The following CHODL variants were observed in gnomAD, a reference collection of about 807,000 sequenced individuals.
CHODL encodes chondrolectin, also known as transmembrane protein MT75.
Under a neutral mutation model 34.5 loss-of-function variants are expected in CHODL, and 29 were observed. The ratio of observed to expected loss-of-function variants is 0.84; its 90% CI spans 0.63 to 1.15. CHODL has a LOEUF of 1.15. CHODL is among the 50% of genes most tolerant of loss of function. The pLI, the probability that CHODL is intolerant of heterozygous loss-of-function variation, is 0.00. For missense variants in CHODL, 332 were observed against 332.5 expected (o/e 1.00, Z 0.01); for synonymous variants, 125 against 116.1 (o/e 1.08, Z -0.49).
intron 2 of CHODL, among the ~76,000 whole-genome samples, chr21:18,051,708 G>A (rs1265277629): frequency 6.6e-6 from 1 of 151,916 alleles, no homozygotes; most frequent in East Asian, 1.9e-4. Context: ...TAGTAATTTA[G>A]TGAGTTTAGT....
chr21:18,165,513 G>T (rs1386403613), intron 2 of CHODL, among the ~76,000 whole-genome samples: 1 of 152,204 alleles, frequency 6.6e-6, no homozygotes, highest in East Asian at 1.9e-4. Context: ...TTGAGCAGCA[G>T]TTGGTAAGGA....
intron 2 of CHODL, among the ~76,000 whole-genome samples, chr21:18,189,241 T>C (rs954691600): frequency 2.0e-5 from 3 of 152,192 alleles, no homozygotes; most frequent in Non-Finnish European, 4.4e-5. Context: ...TCCAGAAATT[T>C]TACATTTATA....
chr21:18,014,530 G>T (rs1037774968), intron 1 of CHODL, among the ~76,000 whole-genome samples: 3 of 152,188 alleles, frequency 2.0e-5, no homozygotes, highest in Non-Finnish European at 4.4e-5. Context: ...ATCTCATGTT[G>T]AATTGTAATC....
chr21:18,085,351 A>G (rs2064993356), intron 2 of CHODL, among the ~76,000 whole-genome samples: 1 of 151,958 alleles, frequency 6.6e-6, no homozygotes, highest in South Asian at 2.1e-4. Context: ...TTGTTTTATA[A>G]ATTCATTTCT....
intron 2 of CHODL, among the ~76,000 whole-genome samples, chr21:18,045,800 C>T (rs555621995): frequency 1.2e-3 from 183 of 151,888 alleles, no homozygotes; most frequent in Non-Finnish European, 2.1e-3. Flanking sequence ...AGCTAGGCCC[C>T]CATTTTTTGC....
chr21:18,012,588 T>C (rs1437540405), intron 1 of CHODL, among the ~76,000 whole-genome samples: 3 of 152,134 alleles, frequency 2.0e-5, no homozygotes, highest in African/African-American at 7.2e-5. Context: ...TAAGTTCGGG[T>C]TTATTAATTA....
intron 1 of CHODL, among the ~76,000 whole-genome samples, chr21:17,974,693 A>G (rs974632082): frequency 1.3e-5 from 2 of 152,014 alleles, no homozygotes; most frequent in Non-Finnish European, 2.9e-5. Flanking sequence ...AAAGTCTTGA[A>G]ATTTGGGTTA....
intron 4 of CHODL, among the ~76,000 whole-genome samples, chr21:18,261,661 G>A (rs1351024624): frequency 6.6e-6 from 1 of 151,688 alleles, no homozygotes; most frequent in African/African-American, 2.4e-5. Flanking sequence ...GCAAGACTCT[G>A]TCCCTCCACA....
chr21:17,974,474 G>A (rs1181352160), intron 1 of CHODL, among the ~76,000 whole-genome samples: 2 of 151,992 alleles, frequency 1.3e-5, no homozygotes, highest in African/African-American at 2.4e-5. Flanking sequence ...GTTTCACTAT[G>A]TTGGCCAGGC....
chr21:18,081,428 C>A (rs1314949734), intron 2 of CHODL, among the ~76,000 whole-genome samples: 1 of 151,972 alleles, frequency 6.6e-6, no homozygotes, highest in Non-Finnish European at 1.5e-5. Flanking sequence ...CATCTGTAAT[C>A]CCAGCAATTT....
intron 1 of CHODL, among the ~76,000 whole-genome samples, chr21:17,945,176 C>T (rs2063396455): frequency 6.7e-6 from 1 of 148,502 alleles, no homozygotes; most frequent in South Asian, 2.1e-4. Context: ...CGCTCCACTG[C>T]ACTCCAGCCT....
chr21:17,994,773 C>G (rs1347901756), intron 1 of CHODL, among the ~76,000 whole-genome samples: 2 of 152,048 alleles, frequency 1.3e-5, no homozygotes, highest in African/African-American at 4.8e-5. Context: ...GTTCAACCCC[C>G]CAGGTAATGT....
chr21:18,081,413 G>T (rs780020372), intron 2 of CHODL, among the ~76,000 whole-genome samples: 25 of 152,120 alleles, frequency 1.6e-4, no homozygotes, highest in South Asian at 2.1e-4. Context: ...GGGTGCGGTG[G>T]CTCACATCTG....
intron 1 of CHODL, among the ~76,000 whole-genome samples, chr21:18,252,117 G>C (rs1296091702): frequency 6.6e-6 from 1 of 152,038 alleles, no homozygotes; most frequent in Admixed American, 6.6e-5. Context: ...ATCCTGGGCA[G>C]ATCTTTTCTC....
intron 1 of CHODL, among the ~76,000 whole-genome samples, chr21:18,252,370 G>A (rs2074268173): frequency 6.6e-6 from 1 of 152,144 alleles, no homozygotes; most frequent in South Asian, 2.1e-4. Context: ...AGAGGTAATT[G>A]TAATTGTTCT....
chr21:18,054,884 C>T lies in CHODL; in HGVS notation c.-45+26913C>T, dbSNP rs535647249. Among the ~76,000 whole-genome samples, 124 of 152,038 alleles carry T rather than the reference C, an allele frequency of 8.2e-4. 1 individual carries two copies. Among genetic ancestry groups the T allele is most frequent in the African/African-American group, 2.5e-3 (102 of 41,530 alleles). ...ATCAAAACAATACTTGCTATGTCCC[C>T]GATTTCTTAACGAATTAGGCAACAA... On this transcript the variant is annotated intron_variant, in intron 2 of 6. Coordinates refer to the CHODL transcript ENST00000400127.
chr21:18,192,741 T>C (rs1004891771), intron 2 of CHODL, among the ~76,000 whole-genome samples: 1 of 152,170 alleles, frequency 6.6e-6, no homozygotes, highest in African/African-American at 2.4e-5. Flanking sequence ...TTTATGTAAA[T>C]AAAATTATTT....
intron 2 of CHODL, among the ~76,000 whole-genome samples, chr21:18,208,318 G>T (rs1226313275): frequency 6.6e-6 from 1 of 151,722 alleles, no homozygotes; most frequent in Non-Finnish European, 1.5e-5. Context: ...CAGAATTTAG[G>T]CTTGAATCTT....
chr21:18,221,969 G>C (rs959535688), intron 2 of CHODL, among the ~76,000 whole-genome samples: 3 of 152,184 alleles, frequency 2.0e-5, no homozygotes, highest in African/African-American at 7.2e-5. Flanking sequence ...TGGTAGTATT[G>C]GCAGTGGGGG....
Sources: allele counts gnomAD v4.1 joint callset (sites outside exome capture counted in the v4.1 genomes callset), GRCh38; gene constraint gnomAD v4.1.1; transcripts MANE v1.5; gene names NCBI Gene and HGNC (gene_info 2026-07-23, HGNC 2026-07-21).